Variants in MAST4 observed in about 807,000 individuals in gnomAD.
The protein encoded by MAST4 is microtubule-associated serine/threonine-protein kinase 4.
A neutral mutation model predicts 162.7 loss-of-function variants in MAST4; 89 were observed. The observed-to-expected ratio is 0.55, with a 90% confidence interval of 0.46 to 0.65. The LOEUF is 0.65. MAST4 is among the 30% of genes least tolerant of loss of function. The probability of loss-of-function intolerance (pLI) is 0.00; values close to 1 mark genes in which losing one functional copy is unlikely to be tolerated. For missense variants in MAST4, 3,153 were observed against 3,374.0 expected, an observed-to-expected ratio of 0.93 and a Z score of 1.62; for synonymous variants, 1,479 against 1,361.1, an observed-to-expected ratio of 1.09 and a Z score of -1.91.
intron 4 of MAST4, among the ~76,000 whole-genome samples, chr5:66,950,434 C>T (rs1232610299): frequency 6.6e-6 from 1 of 152,068 alleles, no homozygotes; most frequent in African/African-American, 2.4e-5. Flanking sequence ...TTTCCCCTTC[C>T]CCTAGTCTCT....
At chr5:66,838,216 C>T (rs1758164765) in intron 3 of MAST4, among the ~76,000 whole-genome samples, 1 of 152,092 alleles carries the variant, frequency 6.6e-6, no homozygotes, top group African/African-American at 2.4e-5. Flanking sequence ...AAAATGTTTT[C>T]CTAATGCTAG....
At chr5:66,734,983 C>G (rs1023087311) in intron 1 of MAST4, among the ~76,000 whole-genome samples, 1 of 152,218 alleles carries the variant, frequency 6.6e-6, no homozygotes. Context: ...TATCCAAGAG[C>G]CTGTCTTAGA....
intron 6 of MAST4, 53 bp downstream of exon 6, chr5:67,090,284 T>A: frequency 1.5e-6 from 2 of 1,360,028 alleles, no homozygotes; most frequent in African/African-American, 1.4e-5. Flanking sequence ...GAATCCCATT[T>A]TCCTCTCCCT....
At chr5:67,014,132 C>T (rs1343603908) in intron 4 of MAST4, among the ~76,000 whole-genome samples, 2 of 151,710 alleles carry the variant, frequency 1.3e-5, no homozygotes, top group Non-Finnish European at 2.9e-5. Flanking sequence ...ATTTTATCTA[C>T]TTAACTATTC....
intron 2 of MAST4, among the ~76,000 whole-genome samples, chr5:66,767,170 C>CGTTGTGTGTGTGTGT (rs1491178013): frequency 5.6e-4 from 78 of 139,562 alleles, no homozygotes; most frequent in African/African-American, 2.0e-3. Context: ...GTAAAGTGCA[C>CGTTGTGTGTGTGTGT]GTGTGTGTGT....
At chr5:66,638,240 C>G (rs867582372) in intron 1 of MAST4, among the ~76,000 whole-genome samples, 5 of 152,234 alleles carry the variant, frequency 3.3e-5, no homozygotes, top group Middle Eastern at 3.4e-3. Context: ...GTGTTCCCAG[C>G]CAGGAATGGT....
intron 4 of MAST4, among the ~76,000 whole-genome samples, chr5:66,940,182 C>T (rs757151115): frequency 6.6e-6 from 1 of 152,132 alleles, no homozygotes; most frequent in Non-Finnish European, 1.5e-5. Flanking sequence ...TGTGAGCCTT[C>T]AGCAAGTCAT....
In MAST4 at chr5:67,166,232, C is replaced by T; in HGVS notation, c.7053C>T (p.Asn2351=). 2.6e-6 allele frequency: 4 copies of T among 1,551,698 alleles called. No individual in the cohort carries two copies. Among genetic ancestry groups the T allele is most frequent in the Non-Finnish European group, 2.6e-6 (3 of 1,147,332 alleles). Residue 2351 remains asparagine (N), a synonymous_variant, in exon 29 of 29, where the codon AAC becomes AAT. Coordinates refer to ENST00000403625, the MANE Select transcript of MAST4 (RefSeq NM_001164664.2). ...DCPTLCKQTD[N]RQTDKSPSQP... is the part of the protein sequence containing the mutation. ...CCACCCTGTGCAAACAGACAGACAA[C>T]AGACAGACAGACAAAAGCCCGAGTC...
At chr5:66,913,377 A>G (rs1763900211) in intron 4 of MAST4, among the ~76,000 whole-genome samples, 1 of 152,120 alleles carries the variant, frequency 6.6e-6, no homozygotes. Context: ...GTAATATTAT[A>G]TGCACCCTTC....
intron 1 of MAST4, among the ~76,000 whole-genome samples, chr5:66,639,447 T>G (rs1298109321): frequency 1.3e-5 from 2 of 152,178 alleles, no homozygotes; most frequent in Non-Finnish European, 2.9e-5. Flanking sequence ...AAAGCAAAAT[T>G]AAGACTTAAT....
At chr5:66,958,105 G>C (rs1226030692) in intron 4 of MAST4, among the ~76,000 whole-genome samples, 2 of 151,066 alleles carry the variant, frequency 1.3e-5, no homozygotes, top group African/African-American at 4.8e-5. Context: ...GTTTGGCTCT[G>C]TCTCTCTCTC....
At chr5:66,603,535 A>G (rs540787726) in intron 1 of MAST4, among the ~76,000 whole-genome samples, 1 of 152,186 alleles carries the variant, frequency 6.6e-6, no homozygotes, top group Admixed American at 6.5e-5. Flanking sequence ...TGGTTCATAT[A>G]AGCATGAAAG....
chr5:67,086,266 C>T (rs1323228096), intron 5 of MAST4, among the ~76,000 whole-genome samples: 2 of 152,140 alleles, frequency 1.3e-5, no homozygotes, highest in Non-Finnish European at 2.9e-5. Context: ...CTATTAAAAG[C>T]ACATTAATAA....
At chr5:66,848,164 G>T (rs1324216275) in intron 3 of MAST4, among the ~76,000 whole-genome samples, 6 of 152,032 alleles carry the variant, frequency 3.9e-5, no homozygotes, top group Non-Finnish European at 5.9e-5. Context: ...TGAATATTCA[G>T]AAATTTTTAT....
At chr5:66,654,152 A>G (rs1375597235) in intron 1 of MAST4, among the ~76,000 whole-genome samples, 3 of 152,196 alleles carry the variant, frequency 2.0e-5, no homozygotes, top group Admixed American at 6.5e-5. Context: ...GCTGCGATAA[A>G]GAATAGGGGC....
rs144650198 is a variant in MAST4, at chr5:66,920,737, C to A, written c.674+20755C>A. 3.5e-3 allele frequency among the ~76,000 whole-genome samples: 530 copies of A among 152,198 alleles called. 6 individuals are homozygous for A. The highest frequency in any genetic ancestry group is 0.012 in the African/African-American group (511 of 41,518). On this transcript the variant is annotated intron_variant, in intron 4 of 28. Transcript: ENST00000403625. ...AACTCCCTACCTCAGGAGATCCGCCCACCTCAGCCTCCCAAAGTACTGGGA... is the reference window on the plus strand; with the variant it reads ...AACTCCCTACCTCAGGAGATCCGCCAACCTCAGCCTCCCAAAGTACTGGGA...
intron 3 of MAST4, among the ~76,000 whole-genome samples, chr5:66,895,643 C>T (rs58812400): frequency 1.6e-3 from 248 of 152,304 alleles, no homozygotes; most frequent in African/African-American, 5.7e-3. Flanking sequence ...TCTGACTACT[C>T]CTTACCATCT....
At chr5:66,666,151 G>T (rs545143078) in intron 1 of MAST4, among the ~76,000 whole-genome samples, 2 of 152,184 alleles carry the variant, frequency 1.3e-5, no homozygotes, top group Non-Finnish European at 2.9e-5. Context: ...CTGCCCCCAA[G>T]AATCTTTGTA....
At chr5:66,912,231 T>C (rs1041075833) in intron 4 of MAST4, among the ~76,000 whole-genome samples, 2 of 152,164 alleles carry the variant, frequency 1.3e-5, no homozygotes, top group Non-Finnish European at 2.9e-5. Flanking sequence ...AGGGAGAGTT[T>C]TGCTCCTTTT....
Sources: allele counts gnomAD v4.1 joint callset (sites outside exome capture counted in the v4.1 genomes callset), GRCh38; gene constraint gnomAD v4.1.1; transcripts MANE v1.5; gene names NCBI Gene and HGNC (gene_info 2026-07-23, HGNC 2026-07-21).